The following GARRE1 variants were observed in gnomAD, a reference collection of about 807,000 sequenced individuals.
GARRE1 encodes the protein granule associated Rac and RHOG effector 1, also known as granule associated Rac and RHOG effector protein 1.
A neutral mutation model predicts 103.2 loss-of-function variants in GARRE1; 49 were observed. The ratio of observed to expected loss-of-function variants is 0.47; its 90% CI spans 0.38 to 0.60. The LOEUF (loss-of-function observed/expected upper bound fraction) is 0.60. GARRE1 is among the 20% of genes least tolerant of loss of function. The pLI, the probability that GARRE1 is intolerant of heterozygous loss-of-function variation, is 0.00. For missense variants in GARRE1, 1,199 were observed against 1,370.5 expected (o/e 0.87, Z 1.98); for synonymous variants, 505 against 532.8 (o/e 0.95, Z 0.72).
At position 34,279,723 on chromosome 19, in the gene GARRE1, C is replaced by T. The variant is rs551223862; in HGVS notation, c.-795-19956C>T. Among the ~76,000 whole-genome samples the T allele has an allele frequency of 5.3e-5, 8 of 152,190 alleles. No individual in the cohort carries two copies. In the South Asian group the frequency reaches 6.2e-4, roughly 12 times the overall value. On this transcript the variant is annotated intron_variant, in intron 1 of 13. Transcript: ENST00000299505. ...TTAATTGGCCGGGCGCGGTGGCTCA[C>T]GCCTGTAATCCCAGCACTTTGGGAG...
intron 1 of GARRE1, among the ~76,000 whole-genome samples, chr19:34,267,878 A>G (rs867779467): frequency 1.6e-4 from 25 of 151,898 alleles, no homozygotes; most frequent in African/African-American, 5.6e-4. Context: ...GGTTCAAGCA[A>G]TTCTCCTGCC....
intron 1 of GARRE1, among the ~76,000 whole-genome samples, chr19:34,262,769 A>G (rs1243426006): frequency 6.6e-6 from 1 of 152,258 alleles, no homozygotes; most frequent in Non-Finnish European, 1.5e-5. Context: ...CTTAGAATTT[A>G]ATAAAAACAG....
At chr19:34,270,432 C>G (rs765580411) in intron 1 of GARRE1, among the ~76,000 whole-genome samples, 2 of 152,120 alleles carry the variant, frequency 1.3e-5, no homozygotes, top group African/African-American at 2.4e-5. Flanking sequence ...GGTGGAATGT[C>G]GTGGCCCTGT....
intron 1 of GARRE1, among the ~76,000 whole-genome samples, chr19:34,268,078 G>GT (rs976820929): frequency 0.045 from 6,371 of 143,118 alleles, 180 homozygotes; most frequent in East Asian, 0.11. Context: ...GGTGCTTTGT[G>GT]TTTTTTTTTT....
chr19:34,271,807 C>T (rs1182444553), intron 1 of GARRE1, among the ~76,000 whole-genome samples: 1 of 151,790 alleles, frequency 6.6e-6, no homozygotes, highest in Non-Finnish European at 1.5e-5. Flanking sequence ...TGTGCTCTAG[C>T]CTGGGGCATG....
chr19:34,329,530 G>A (rs1036174372), intron 6 of GARRE1, among the ~76,000 whole-genome samples: 1 of 152,014 alleles, frequency 6.6e-6, no homozygotes, highest in African/African-American at 2.4e-5. Context: ...GCATAATTAG[G>A]GTGTATTTAA....
At chr19:34,265,211 C>T (rs2073744291) in intron 1 of GARRE1, among the ~76,000 whole-genome samples, 1 of 151,944 alleles carries the variant, frequency 6.6e-6, no homozygotes, top group African/African-American at 2.4e-5. Flanking sequence ...CTTCCCTCAC[C>T]CCACCCCCGG....
At chr19:34,298,695 A>T (rs2073960428) in intron 1 of GARRE1, among the ~76,000 whole-genome samples, 2 of 151,548 alleles carry the variant, frequency 1.3e-5, no homozygotes, top group Admixed American at 1.3e-4. Flanking sequence ...GGGCAACAGC[A>T]AGACTCCATC....
intron 1 of GARRE1, among the ~76,000 whole-genome samples, chr19:34,279,963 C>T (rs572667266): frequency 6.2e-4 from 80 of 128,870 alleles, no homozygotes; most frequent in African/African-American, 2.5e-3. Flanking sequence ...CCAGCCTGGG[C>T]GACAGAGCGA....
chr19:34,293,743 C>CACACACACACACACACACAT (rs902253324), intron 1 of GARRE1, among the ~76,000 whole-genome samples: 1 of 113,460 alleles, frequency 8.8e-6, no homozygotes, highest in African/African-American at 3.4e-5. Flanking sequence ...CACACACACA[C>CACACACACACACACACACAT]ATATTTCTTT....
At chr19:34,324,386 T>G (rs148594489) in intron 3 of GARRE1, among the ~76,000 whole-genome samples, 1 of 152,328 alleles carries the variant, frequency 6.6e-6, no homozygotes, top group African/African-American at 2.4e-5. Context: ...TAATTATTAT[T>G]GAAGTATTTC....
chr19:34,296,892 C>T (rs1374271820), intron 1 of GARRE1, among the ~76,000 whole-genome samples: 1 of 152,086 alleles, frequency 6.6e-6, no homozygotes, highest in Non-Finnish European at 1.5e-5. Context: ...GATGTTCTCA[C>T]CTTGGCCACC....
At chr19:34,292,610 C>G (rs1044277078) in intron 1 of GARRE1, among the ~76,000 whole-genome samples, 2 of 152,176 alleles carry the variant, frequency 1.3e-5, no homozygotes, top group Admixed American at 6.5e-5. Context: ...GCGTCTCACT[C>G]TGTTACCCAG....
intron 2 of GARRE1, among the ~76,000 whole-genome samples, chr19:34,303,389 A>C (rs1366424541): frequency 2.6e-5 from 4 of 152,198 alleles, no homozygotes; most frequent in African/African-American, 4.8e-5. Flanking sequence ...AAGCTAACTA[A>C]CACTGCTTTG....
chr19:34,320,800 C>T (rs1243657453), intron 3 of GARRE1, among the ~76,000 whole-genome samples: 2 of 151,056 alleles, frequency 1.3e-5, no homozygotes, highest in Admixed American at 6.6e-5. Context: ...AGTCTCACTA[C>T]AGCCTGTACC....
In GARRE1 at chr19:34,327,440, A is replaced by G. The variant is rs777245041; in HGVS notation, c.725A>G (p.Glu242Gly). ...TTACAGGCGACATCTAGACTAAGAG[A>G]AAGAGGCTGTGATGGTTGCCTGGCA... is the stretch of plus-strand genomic sequence containing the variant. Reference protein sequence around the residue: ...GAAEATSRLRERGCDGCLAGI... With the variant: ...GAAEATSRLRGRGCDGCLAGI... The change falls in exon 4 of 14, where the codon GAA becomes GGA. Residue 242 changes from glutamate to glycine, a missense_variant. Coordinates refer to ENST00000299505, the MANE Select transcript of GARRE1 (RefSeq NM_014686.5). The G allele has an allele frequency of 1.2e-6, 2 of 1,614,094 alleles. No individual in the cohort carries two copies. The highest frequency in any genetic ancestry group is 1.7e-6 in the Non-Finnish European group (2 of 1,180,014).
At chr19:34,315,871 G>A (rs1406463008) in intron 2 of GARRE1, among the ~76,000 whole-genome samples, 1 of 152,162 alleles carries the variant, frequency 6.6e-6, no homozygotes, top group African/African-American at 2.4e-5. Context: ...AGCAGATGTT[G>A]TGTGTGTGCA....
chr19:34,296,193 C>T (rs767236423), intron 1 of GARRE1: 11 of 453,080 alleles, frequency 2.4e-5, no homozygotes, highest in African/African-American at 3.9e-5. Flanking sequence ...ACAAATAGCA[C>T]AGGAGGATCC....
chr19:34,327,479 A>G lies in GARRE1; in HGVS notation c.764A>G (p.Gln255Arg). ...GGTTGCCTGGCAGGAATTGAAGTTCAACAACTCTTTTGTTCTCAAAGTGCA... is the reference window on the plus strand; with the variant it reads ...GGTTGCCTGGCAGGAATTGAAGTTCGACAACTCTTTTGTTCTCAAAGTGCA... The part of the protein sequence containing the change: ...CDGCLAGIEV[Q>R]QLFCSQSAAI... The change falls in exon 4 of 14, where the codon CAA (glutamine) becomes CGA (arginine). Residue 255 changes from glutamine (Q) to arginine (R), a missense_variant. Gln to Arg is a conservative substitution (Grantham distance 43). Coordinates refer to ENST00000299505, the MANE Select transcript of GARRE1 (RefSeq NM_014686.5). 6.2e-7 allele frequency: 1 copy of G among 1,614,166 alleles called. No homozygotes were observed. The highest frequency in any genetic ancestry group is 8.5e-7 in the Non-Finnish European group (1 of 1,180,008).
Sources: gnomAD v4.1 joint callset for allele counts (sites outside exome capture counted in the v4.1 genomes callset) on GRCh38, gnomAD v4.1.1 for gene constraint, MANE v1.5 for transcripts, NCBI Gene and HGNC (gene_info 2026-07-23, HGNC 2026-07-21) for gene names.